UBE2E3: variants seen among roughly 807,000 people sequenced by gnomAD.
The protein encoded by UBE2E3 is ubiquitin conjugating enzyme E2 E3, also known as ubiquitin-conjugating enzyme E2 E3.
UBE2E3 carries 5 observed loss-of-function variants against 23.6 expected under a neutral mutation model. That is an observed-to-expected ratio of 0.21 (90% CI 0.11 to 0.44). The LOEUF (loss-of-function observed/expected upper bound fraction) is 0.44, where lower values mean the gene tolerates loss of function less well. UBE2E3 is among the 20% of genes least tolerant of loss of function. UBE2E3 has a pLI of 0.99. For synonymous variants in UBE2E3, 78 were observed against 87.5 expected, an observed-to-expected ratio of 0.89 and a Z score of 0.60; for missense variants, 81 against 249.8, an observed-to-expected ratio of 0.32 and a Z score of 4.55.
intron 3 of UBE2E3, among the ~76,000 whole-genome samples, chr2:181,029,486 T>G (rs1401130): frequency 6.6e-6 from 1 of 151,820 alleles, no homozygotes; most frequent in African/African-American, 2.4e-5. Flanking sequence ...TTTTCTGTAT[T>G]CAAGTATTGT....
chr2:181,054,699 G>A (rs1299965646), intron 3 of UBE2E3, among the ~76,000 whole-genome samples: 6 of 151,746 alleles, frequency 4.0e-5, no homozygotes. Context: ...TCTTGACATT[G>A]TCTTGCAGAG....
At chr2:180,989,965 C>G (rs61080739) in intron 3 of UBE2E3, 14 of 1,545,982 alleles carry the variant, frequency 9.1e-6, no homozygotes, top group South Asian at 1.2e-5. Context: ...TCTTCCCTAT[C>G]AATATGAGAT....
At chr2:181,046,060 A>C (rs952410574) in intron 3 of UBE2E3, among the ~76,000 whole-genome samples, 1 of 152,176 alleles carries the variant, frequency 6.6e-6, no homozygotes. Flanking sequence ...TCTTCTGTTC[A>C]TCACTGTATT....
At chr2:181,024,831 A>G (rs554592073) in intron 3 of UBE2E3, among the ~76,000 whole-genome samples, 3 of 151,490 alleles carry the variant, frequency 2.0e-5, no homozygotes, top group African/African-American at 7.3e-5. Flanking sequence ...TGAAATAAGG[A>G]TTTTTTTTTA....
intron 3 of UBE2E3, among the ~76,000 whole-genome samples, chr2:181,044,512 C>T (rs528370099): frequency 2.0e-4 from 31 of 152,192 alleles, no homozygotes; most frequent in African/African-American, 6.3e-4. Context: ...AGATAGAATG[C>T]AGGTTTACTT....
chr2:181,051,726 A>G (rs908501272), intron 3 of UBE2E3, among the ~76,000 whole-genome samples: 12 of 152,046 alleles, frequency 7.9e-5, no homozygotes, highest in African/African-American at 2.4e-4. Flanking sequence ...TACTTTTGCA[A>G]TAGAATATGT....
intron 3 of UBE2E3, among the ~76,000 whole-genome samples, chr2:181,021,554 C>CCCTTCCTTCCTTCCTTCCTT (rs749212211): frequency 2.1e-5 from 1 of 47,242 alleles, no homozygotes; most frequent in Non-Finnish European, 4.3e-5. Context: ...TAAATATACT[C>CCCTTCCTTCCTTCCTTCCTT]CCTTCCTTCC....
At chr2:181,017,237 A>C (rs977578036) in intron 3 of UBE2E3, among the ~76,000 whole-genome samples, 1 of 152,204 alleles carries the variant, frequency 6.6e-6, no homozygotes, top group Non-Finnish European at 1.5e-5. Context: ...AGTTTACATT[A>C]AAGTGGGATA....
intron 2 of UBE2E3, 36 bp downstream of exon 2, chr2:180,982,272 A>G: frequency 6.3e-7 from 1 of 1,583,734 alleles, no homozygotes; most frequent in Non-Finnish European, 8.6e-7. Context: ...ACACTTTGTC[A>G]GGTTGTCTTC....
At chr2:181,035,895 C>G (rs12614444) in intron 3 of UBE2E3, among the ~76,000 whole-genome samples, 58,774 of 151,744 alleles carry the variant, frequency 0.39, 12,069 homozygotes, top group East Asian at 0.58. Flanking sequence ...GGCCAGCTGT[C>G]TCAGAATTTA....
At chr2:180,989,858 CAGAT>C in intron 3 of UBE2E3, 2 of 1,535,170 alleles carry the variant, frequency 1.3e-6, no homozygotes, top group Non-Finnish European at 1.8e-6. Flanking sequence ...GCTGTAACAA[CAGAT>C]GGATATGTTT....
chr2:181,004,020 TTCA>T (rs1217764109), intron 3 of UBE2E3, among the ~76,000 whole-genome samples: 1 of 152,224 alleles, frequency 6.6e-6, no homozygotes, highest in Non-Finnish European at 1.5e-5. Flanking sequence ...GGTCATGCTC[TTCA>T]TCACACTGCC....
chr2:181,010,326 T>C (rs1303148330), intron 3 of UBE2E3, among the ~76,000 whole-genome samples: 1 of 152,218 alleles, frequency 6.6e-6, no homozygotes, highest in Non-Finnish European at 1.5e-5. Flanking sequence ...AGTCATATTC[T>C]GTATTTTCAA....
chr2:181,034,881 A>G (rs1376571787), intron 3 of UBE2E3, among the ~76,000 whole-genome samples: 3 of 152,196 alleles, frequency 2.0e-5, no homozygotes, highest in African/African-American at 7.2e-5. Flanking sequence ...GAAAAATTTG[A>G]AGAATTTAAA....
chr2:181,043,257 G>T (rs1260522014), intron 3 of UBE2E3, among the ~76,000 whole-genome samples: 2 of 152,004 alleles, frequency 1.3e-5, no homozygotes, highest in Non-Finnish European at 2.9e-5. Flanking sequence ...ACTTACATGT[G>T]AATAAATATA....
rs918561515 is a variant in UBE2E3, at chr2:180,987,501, G to GAAAT, written c.245+3409_245+3410insAATA. 2.4e-6 allele frequency: 3 copies of GAAAT among 1,257,308 alleles called. No homozygotes were observed. The African/African-American group carries it at 4.5e-5, about 19-fold the overall frequency. 77.9% of individuals were successfully genotyped at this position (1,257,308 alleles called of 1,614,324 possible). A position where few individuals can be genotyped will look rare whatever the true frequency, so the allele number is the denominator to read the frequency against. The stretch of plus-strand genomic sequence containing the variant: ...ATGTTCAGATTGAATCTATACTGGA[G>GAAAT]ATATTTGGGGGTATTTGTATTAATA... On this transcript the variant is annotated intron_variant, in intron 3 of 5. Coordinates refer to ENST00000410062, the MANE Select transcript of UBE2E3 (RefSeq NM_006357.4).
intron 3 of UBE2E3, among the ~76,000 whole-genome samples, chr2:181,040,700 G>A (rs1301718332): frequency 6.6e-6 from 1 of 152,130 alleles, no homozygotes; most frequent in Non-Finnish European, 1.5e-5. Flanking sequence ...TGGAAAAACA[G>A]TTTAGTCTGA....
At chr2:180,988,220 G>C (rs1684540603) in intron 3 of UBE2E3, among the ~76,000 whole-genome samples, 1 of 152,124 alleles carries the variant, frequency 6.6e-6, no homozygotes, top group African/African-American at 2.4e-5. Flanking sequence ...GTAGCCTGTA[G>C]TGATGTGCTC....
chr2:181,059,998 A>G (rs1687097265), intron 4 of UBE2E3, among the ~76,000 whole-genome samples: 1 of 151,464 alleles, frequency 6.6e-6, no homozygotes, highest in Non-Finnish European at 1.5e-5. Context: ...CTTATGATTT[A>G]TCTTCTTTTC....
Sources: gnomAD v4.1 joint callset for allele counts (sites outside exome capture counted in the v4.1 genomes callset) on GRCh38, gnomAD v4.1.1 for gene constraint, MANE v1.5 for transcripts, NCBI Gene and HGNC (gene_info 2026-07-23, HGNC 2026-07-21) for gene names.